The following RARB variants were observed in gnomAD, a reference collection of about 807,000 sequenced individuals.
RARB encodes the protein retinoic acid receptor beta, also known as HBV-activated protein.
Under a neutral mutation model 51.9 loss-of-function variants are expected in RARB, and 17 were observed. That is an observed-to-expected ratio of 0.33 (90% CI 0.22 to 0.49). The LOEUF (loss-of-function observed/expected upper bound fraction) is 0.49. Among genes scored for constraint, RARB ranks in the 20% least tolerant of loss-of-function variants. The pLI is 0.99. For missense variants in RARB, 369 were observed against 550.8 expected, an observed-to-expected ratio of 0.67 and a Z score of 3.30; for synonymous variants, 215 against 195.4, an observed-to-expected ratio of 1.10 and a Z score of -0.84.
At chr3:25,579,100 T>C (rs1701064807) in intron 4 of RARB, among the ~76,000 whole-genome samples, 1 of 152,266 alleles carries the variant, frequency 6.6e-6, no homozygotes. Context: ...CTCATATTTC[T>C]GGTTTTCTCA....
chr3:25,568,007 A>C (rs914213665), intron 3 of RARB, among the ~76,000 whole-genome samples: 2 of 151,790 alleles, frequency 1.3e-5, no homozygotes, highest in African/African-American at 4.8e-5. Flanking sequence ...TCTGCTTTGA[A>C]CCATGATACC....
chr3:25,164,052 T>C (rs1011227068), intron 4 of RARB, among the ~76,000 whole-genome samples: 2 of 150,994 alleles, frequency 1.3e-5, no homozygotes, highest in Admixed American at 6.6e-5. Context: ...AGGTCAGGGT[T>C]GTGTGGTGAC....
chr3:25,310,218 G>A (rs115427726), intron 5 of RARB, among the ~76,000 whole-genome samples: 2,338 of 152,306 alleles, frequency 0.015, 56 homozygotes, highest in African/African-American at 0.049. Context: ...GGGTCTCATA[G>A]TAAGGTGAGA....
chr3:25,036,302 C>T (rs1697992906), intron 2 of RARB, among the ~76,000 whole-genome samples: 1 of 152,092 alleles, frequency 6.6e-6, no homozygotes, highest in African/African-American at 2.4e-5. Context: ...GAAACTCTCA[C>T]AAAGCCATAC....
intron 5 of RARB, among the ~76,000 whole-genome samples, chr3:25,369,575 G>A (rs79353748): frequency 0.035 from 5,335 of 152,286 alleles, 127 homozygotes; most frequent in Middle Eastern, 0.065. Context: ...TCACTCCTTT[G>A]TATCTATTGT....
chr3:25,066,604 AACACACACACACAC>A (rs5847340), intron 3 of RARB, among the ~76,000 whole-genome samples: 477 of 146,820 alleles, frequency 3.2e-3, no homozygotes, highest in African/African-American at 0.011. Flanking sequence ...CGCACACATA[AACACACACACACAC>A]ACACACACAC....
At chr3:25,175,184 T>C (rs1700719618) in intron 5 of RARB, among the ~76,000 whole-genome samples, 1 of 152,234 alleles carries the variant, frequency 6.6e-6, no homozygotes, top group African/African-American at 2.4e-5. Context: ...AAAGTTAGAA[T>C]TCTCCAAGAC....
intron 3 of RARB, among the ~76,000 whole-genome samples, chr3:25,130,947 T>TATTGATAC (rs1559477575): frequency 2.3e-5 from 1 of 43,000 alleles, no homozygotes; most frequent in African/African-American, 7.7e-5. Context: ...ATATCAATAT[T>TATTGATAC]TATTATTGAT....
At chr3:24,972,561 C>G (rs1360978860) in intron 2 of RARB, among the ~76,000 whole-genome samples, 1 of 151,986 alleles carries the variant, frequency 6.6e-6, no homozygotes, top group Non-Finnish European at 1.5e-5. Context: ...TGAGGAACCT[C>G]TGTACAGTTT....
intron 4 of RARB, among the ~76,000 whole-genome samples, chr3:25,139,110 A>G (rs994476981): frequency 2.0e-5 from 3 of 152,112 alleles, no homozygotes; most frequent in African/African-American, 7.2e-5. Context: ...CCACCAAGCC[A>G]TTCCTTGTCT....
chr3:25,473,685 A>T (rs1476601403), intron 2 of RARB, among the ~76,000 whole-genome samples: 1 of 152,114 alleles, frequency 6.6e-6, no homozygotes, highest in African/African-American at 2.4e-5. Context: ...TGGTGTCAAG[A>T]TGTATGAGAA....
chr3:25,434,689 G>C (rs1431579421), intron 1 of RARB, among the ~76,000 whole-genome samples: 9 of 151,858 alleles, frequency 5.9e-5, no homozygotes, highest in African/African-American at 2.2e-4. Context: ...CTACAGGCGT[G>C]TGCCACCACA....
chr3:24,905,197 A>T (rs1317334509), intron 2 of RARB, among the ~76,000 whole-genome samples: 2 of 152,150 alleles, frequency 1.3e-5, no homozygotes, highest in Non-Finnish European at 2.9e-5. Context: ...TGACTCATTT[A>T]TTTCATAGAT....
chr3:25,117,169 C>T (rs1363121389), intron 3 of RARB, among the ~76,000 whole-genome samples: 1 of 152,242 alleles, frequency 6.6e-6, no homozygotes, highest in Non-Finnish European at 1.5e-5. Context: ...ATAGAGCCCG[C>T]GTCCTACAGC....
intron 5 of RARB, among the ~76,000 whole-genome samples, chr3:25,408,658 T>C (rs1159121252): frequency 6.6e-6 from 1 of 152,054 alleles, no homozygotes; most frequent in East Asian, 1.9e-4. Flanking sequence ...CATTAAAGAA[T>C]TGCTAAGGGA....
chr3:25,285,069 T>C (rs1455260031), intron 5 of RARB, among the ~76,000 whole-genome samples: 1 of 152,150 alleles, frequency 6.6e-6, no homozygotes, highest in African/African-American at 2.4e-5. Flanking sequence ...CCAGGTACTG[T>C]GTTAGATAGA....
At chr3:25,041,503 A>G (rs550883815) in intron 2 of RARB, among the ~76,000 whole-genome samples, 156 of 152,078 alleles carry the variant, frequency 1.0e-3, no homozygotes, top group African/African-American at 3.7e-3. Flanking sequence ...GGAGGAAGAC[A>G]TTAGGGAACA....
At chr3:25,184,116 C>G (rs1001354648) in intron 5 of RARB, among the ~76,000 whole-genome samples, 2 of 150,630 alleles carry the variant, frequency 1.3e-5, no homozygotes, top group Non-Finnish European at 2.9e-5. Flanking sequence ...ATATGAAAAT[C>G]TACAAATACA....
chr3:25,037,044 C>G (rs1292346100), intron 2 of RARB, among the ~76,000 whole-genome samples: 1 of 152,148 alleles, frequency 6.6e-6, no homozygotes, highest in African/African-American at 2.4e-5. Context: ...GAGTCAAGAA[C>G]TCAAACTTGC....
Sources: allele counts gnomAD v4.1 joint callset (sites outside exome capture counted in the v4.1 genomes callset), GRCh38; gene constraint gnomAD v4.1.1; transcripts MANE v1.5; gene names NCBI Gene and HGNC (gene_info 2026-07-23, HGNC 2026-07-21).